Variants in PPM1B observed in about 807,000 individuals in gnomAD.
PPM1B encodes the protein protein phosphatase 1B.
Under a neutral mutation model 43.0 loss-of-function variants are expected in PPM1B, and 22 were observed. That is an observed-to-expected ratio of 0.51 (90% CI 0.37 to 0.73). PPM1B has a LOEUF of 0.73. Ranked by LOEUF, PPM1B falls within the 30% of genes least tolerant of loss-of-function variation. The pLI is 0.00. For synonymous variants in PPM1B, 217 were observed against 197.9 expected (o/e 1.10, Z -0.81); for missense variants, 632 against 584.2 (o/e 1.08, Z -0.84).
chr2:44,201,041 T>A lies in PPM1B; in HGVS notation c.-14-145T>A. The A allele has an allele frequency of 1.2e-6, 1 of 815,168 alleles. No individual in the cohort carries two copies. Among genetic ancestry groups the A allele is most frequent in the Non-Finnish European group, 1.8e-6 (1 of 553,886 alleles). The allele number at this position is 815,168 out of a possible 1,614,324, so 50.5% of individuals were successfully genotyped here. Reference sequence around the variant, plus strand: ...TTCTGTAGGATGTAGGGGAGGAAATTTCTTGGGCTTTTGTTGTTGCTCCCG... The same window carrying A: ...TTCTGTAGGATGTAGGGGAGGAAATATCTTGGGCTTTTGTTGTTGCTCCCG... On this transcript the variant is annotated intron_variant, in intron 1 of 5. Coordinates refer to ENST00000282412, the MANE Select transcript of PPM1B (RefSeq NM_002706.6). The surrounding 1 kb of genome is among the most constrained non-coding windows in gnomAD (Gnocchi z 5.4).
intron 1 of PPM1B, among the ~76,000 whole-genome samples, chr2:44,176,801 T>A (rs553019636): frequency 5.6e-4 from 86 of 152,336 alleles, no homozygotes; most frequent in African/African-American, 1.9e-3. Context: ...TTGATTTTTT[T>A]AATTTTAAAG....
chr2:44,189,461 TTTTTTA>T, intron 1 of PPM1B, among the ~76,000 whole-genome samples: 1 of 152,152 alleles, frequency 6.6e-6, no homozygotes, highest in Non-Finnish European at 1.5e-5. Flanking sequence ...CCTTCCATTC[TTTTTTA>T]TTTTTATTTA....
At chr2:44,188,713 G>T (rs1394773916) in intron 1 of PPM1B, among the ~76,000 whole-genome samples, 1 of 148,630 alleles carries the variant, frequency 6.7e-6, no homozygotes, top group Non-Finnish European at 1.5e-5. Flanking sequence ...CTGCCTGCCT[G>T]CTTTCCTTCC....
At chr2:44,220,240 C>T (rs569929393) in intron 5 of PPM1B, among the ~76,000 whole-genome samples, 1 of 149,924 alleles carries the variant, frequency 6.7e-6, no homozygotes, top group Non-Finnish European at 1.5e-5. Flanking sequence ...AGTGTCAACC[C>T]TCATGTGTAA....
intron 1 of PPM1B, among the ~76,000 whole-genome samples, chr2:44,180,050 CT>C (rs5830786): frequency 0.77 from 114,357 of 149,178 alleles, 44,046 homozygotes; most frequent in South Asian, 0.9. Flanking sequence ...CAAGTCAACT[CT>C]TAAAATATTC....
intron 5 of PPM1B, among the ~76,000 whole-genome samples, chr2:44,221,743 G>A (rs1003726511): frequency 2.0e-5 from 3 of 151,490 alleles, no homozygotes; most frequent in Non-Finnish European, 4.4e-5. Flanking sequence ...CTAGAAATAG[G>A]GATTCATTCA....
At chr2:44,182,672 G>T (rs1020862611) in intron 1 of PPM1B, among the ~76,000 whole-genome samples, 1 of 152,134 alleles carries the variant, frequency 6.6e-6, no homozygotes, top group South Asian at 2.1e-4. Flanking sequence ...TGAAATAATA[G>T]GTTACAGGTT....
intron 1 of PPM1B, among the ~76,000 whole-genome samples, chr2:44,196,972 A>G (rs1215895484): frequency 2.0e-5 from 3 of 152,174 alleles, no homozygotes; most frequent in Non-Finnish European, 4.4e-5. Flanking sequence ...ACTACACTGT[A>G]CTTGGAATGA....
intron 5 of PPM1B, among the ~76,000 whole-genome samples, chr2:44,227,571 G>A (rs1207624332): frequency 2.0e-5 from 3 of 149,884 alleles, no homozygotes; most frequent in Non-Finnish European, 4.4e-5. Context: ...AGGCTGGAGT[G>A]CAGTGGGTGT....
chr2:44,205,531 G>A (rs1032368603), intron 2 of PPM1B, among the ~76,000 whole-genome samples: 1 of 152,060 alleles, frequency 6.6e-6, no homozygotes, highest in Non-Finnish European at 1.5e-5. Flanking sequence ...CTCACTTAGG[G>A]AACCACTGCT....
chr2:44,209,010 A>C (rs1274360988), intron 2 of PPM1B, among the ~76,000 whole-genome samples, 200 bp from the exon 3 acceptor site: 1 of 152,182 alleles, frequency 6.6e-6, no homozygotes, highest in Non-Finnish European at 1.5e-5. Flanking sequence ...AAAATACAGA[A>C]ATGCTTACAG....
intron 2 of PPM1B, among the ~76,000 whole-genome samples, chr2:44,207,888 C>CTTTT (rs569077342): frequency 1.0e-5 from 1 of 97,406 alleles, no homozygotes. Flanking sequence ...TGGCTTTATG[C>CTTTT]TTTTTTTTTT....
In PPM1B at chr2:44,201,697, C is replaced by G. The variant is rs780041274; in HGVS notation, c.498C>G (p.Thr166=). The G allele has an allele frequency of 6.2e-7, 1 of 1,614,150 alleles. No homozygotes were observed. The highest frequency in any genetic ancestry group is 8.5e-7 in the Non-Finnish European group (1 of 1,180,022). The change falls in exon 2 of 6, where the codon ACC becomes ACG. Residue 166 remains threonine, a synonymous_variant. Transcript: ENST00000282412. This position sits in a 1 kb window ranked among gnomAD's most constrained non-coding sequence, Gnocchi z 5.4. The stretch of plus-strand genomic sequence containing the variant: ...GGAATGGACAAGTCTGCTTTTCTAC[C>G]CAGGATCACAAACCTTGCAATCCAA... ...LYRNGQVCFS[T]QDHKPCNPRE...
intron 3 of PPM1B, among the ~76,000 whole-genome samples, chr2:44,213,433 A>G (rs1436540400): frequency 6.6e-6 from 1 of 151,804 alleles, no homozygotes; most frequent in African/African-American, 2.4e-5. Context: ...TGTATATAGT[A>G]TAATAGCTTT....
At chr2:44,204,741 C>G (rs1194570305) in intron 2 of PPM1B, among the ~76,000 whole-genome samples, 1 of 151,472 alleles carries the variant, frequency 6.6e-6, no homozygotes, top group East Asian at 1.9e-4. Flanking sequence ...CGCTTGTAGT[C>G]CCAGCTACTC....
intron 1 of PPM1B, among the ~76,000 whole-genome samples, chr2:44,169,666 A>G (rs1267770694): frequency 1.3e-5 from 2 of 152,160 alleles, no homozygotes; most frequent in African/African-American, 4.8e-5. Context: ...CTGTTTGAAA[A>G]CACTATCTTT....
intron 2 of PPM1B, among the ~76,000 whole-genome samples, chr2:44,206,475 T>C (rs1332826918): frequency 1.3e-5 from 2 of 152,194 alleles, no homozygotes; most frequent in Admixed American, 1.3e-4. Flanking sequence ...AAATATAAAT[T>C]ATTTCCCTTA....
chr2:44,206,545 A>G (rs915871307), intron 2 of PPM1B, among the ~76,000 whole-genome samples: 2 of 152,236 alleles, frequency 1.3e-5, no homozygotes, highest in Non-Finnish European at 2.9e-5. Flanking sequence ...TTCCAAAAGT[A>G]TTTATATTTT....
At chr2:44,174,932 G>A (rs1057032384) in intron 1 of PPM1B, among the ~76,000 whole-genome samples, 1 of 152,096 alleles carries the variant, frequency 6.6e-6, no homozygotes, top group African/African-American at 2.4e-5. Flanking sequence ...ATTTTCTGTT[G>A]AACACAGGTG....
Sources: gnomAD v4.1 joint callset for allele counts (sites outside exome capture counted in the v4.1 genomes callset) on GRCh38, gnomAD v4.1.1 for gene constraint, Gnocchi (gnomAD v3.1) non-coding constraint, MANE v1.5 for transcripts, NCBI Gene and HGNC (gene_info 2026-07-23, HGNC 2026-07-21) for gene names.